The following DENND2C variants were observed in gnomAD, a reference collection of about 807,000 sequenced individuals.
The protein encoded by DENND2C is DENN domain-containing protein 2C.
A neutral mutation model predicts 112.4 loss-of-function variants in DENND2C; 72 were observed. That is an observed-to-expected ratio of 0.64 (90% CI 0.53 to 0.78). DENND2C has a LOEUF of 0.78. Ranked by LOEUF, DENND2C falls within the 30% of genes least tolerant of loss-of-function variation. The probability of loss-of-function intolerance (pLI) is 0.00; values close to 1 mark genes in which losing one functional copy is unlikely to be tolerated. For missense variants in DENND2C, 992 were observed against 1,113.8 expected (o/e 0.89, Z 1.56); for synonymous variants, 329 against 381.6 (o/e 0.86, Z 1.61).
At chr1:114,656,266 G>C (rs1330945918) in intron 1 of DENND2C, among the ~76,000 whole-genome samples, 1 of 151,928 alleles carries the variant, frequency 6.6e-6, no homozygotes, top group Non-Finnish European at 1.5e-5. Context: ...TAGAAATGGG[G>C]TCTTACTATG....
intron 12 of DENND2C, 80 bp downstream of exon 12, chr1:114,602,045 G>A (rs1363663303): frequency 7.3e-7 from 1 of 1,373,150 alleles, no homozygotes; most frequent in African/African-American, 1.4e-5. Context: ...AACTCATCTA[G>A]AGATAGTGTT....
At chr1:114,623,962 C>T (rs1011952347) in intron 4 of DENND2C, among the ~76,000 whole-genome samples, 2 of 152,186 alleles carry the variant, frequency 1.3e-5, no homozygotes, top group Non-Finnish European at 2.9e-5. Flanking sequence ...TCTTGAACTC[C>T]TGACTTCAGG....
chr1:114,586,989 C>G (rs769462220), intron 20 of DENND2C: 65 of 182,134 alleles, frequency 3.6e-4, no homozygotes, highest in Non-Finnish European at 6.0e-4. Context: ...CCTCCATATC[C>G]TGGGTTCAAG....
At chr1:114,655,569 C>A (rs1469522808) in intron 1 of DENND2C, among the ~76,000 whole-genome samples, 1 of 150,672 alleles carries the variant, frequency 6.6e-6, no homozygotes, top group Non-Finnish European at 1.5e-5. Flanking sequence ...CTGCAACTTC[C>A]ATCTCCCGGG....
At chr1:114,606,155 C>T (rs1191269796) in intron 10 of DENND2C, among the ~76,000 whole-genome samples, 4 of 152,042 alleles carry the variant, frequency 2.6e-5, no homozygotes, top group Admixed American at 6.6e-5. Context: ...TCCAGTGATC[C>T]TCGTGTCTCA....
At chr1:114,590,473 G>A (rs1358871989) in intron 18 of DENND2C, among the ~76,000 whole-genome samples, 1 of 151,978 alleles carries the variant, frequency 6.6e-6, no homozygotes, top group African/African-American at 2.4e-5. Flanking sequence ...CACATATAAT[G>A]GCACTATAAA....
intron 3 of DENND2C, among the ~76,000 whole-genome samples, chr1:114,630,936 C>T (rs75959053): frequency 0.055 from 8,297 of 152,218 alleles, 332 homozygotes; most frequent in African/African-American, 0.1. Context: ...GATTTACCAG[C>T]AGGATGAAAT....
intron 3 of DENND2C, among the ~76,000 whole-genome samples, chr1:114,636,562 G>C (rs1192439484): frequency 6.6e-6 from 1 of 152,070 alleles, no homozygotes; most frequent in Non-Finnish European, 1.5e-5. Flanking sequence ...CTACTTGGGA[G>C]ATTAAGGTGG....
At chr1:114,669,203 T>A (rs1657722901) in intron 1 of DENND2C, among the ~76,000 whole-genome samples, 1 of 152,230 alleles carries the variant, frequency 6.6e-6, no homozygotes, top group South Asian at 2.1e-4. Flanking sequence ...TCACAGAATA[T>A]ACACGCTCCA....
At chr1:114,618,584 A>AAGGT (rs1656068127) in intron 7 of DENND2C, 102 bp from the exon 8 acceptor site, 2 of 588,748 alleles carry the variant, frequency 3.4e-6, no homozygotes. Context: ...GAAAAGACCT[A>AAGGT]TTTTATAAAT....
rs140772889 is a variant in DENND2C, at chr1:114,619,393, A to G, written c.1228-911T>C. On this transcript the variant is annotated intron_variant, in intron 7 of 20. Coordinates refer to ENST00000393274, the MANE Select transcript of DENND2C (RefSeq NM_001256404.2). ...GAATTACAATTGTTAGGAACATTAT[A>G]TATGATAACAACCAATAAAGTTGCC... 3.6e-3 allele frequency among the ~76,000 whole-genome samples: 546 copies of G among 152,340 alleles called. 2 individuals are homozygous for G. Among genetic ancestry groups the G allele is most frequent in the Non-Finnish European group, 6.4e-3 (436 of 68,034 alleles).
intron 3 of DENND2C, among the ~76,000 whole-genome samples, chr1:114,638,795 A>G (rs1028317426): frequency 6.6e-6 from 1 of 151,340 alleles, no homozygotes; most frequent in African/African-American, 2.4e-5. Context: ...AAAAGAAAAA[A>G]AAAGAAAGAA....
chr1:114,659,781 TTCCCTCCC>T (rs71093604), intron 1 of DENND2C, among the ~76,000 whole-genome samples: 3 of 136,118 alleles, frequency 2.2e-5, no homozygotes, highest in African/African-American at 5.6e-5. Context: ...CCTTCCTTCC[TTCCCTCCC>T]TCCCTCCCTC....
At chr1:114,600,421 T>A (rs903552548) in intron 14 of DENND2C, 69 bp from the exon 15 acceptor site, 8 of 1,574,110 alleles carry the variant, frequency 5.1e-6, no homozygotes, top group Non-Finnish European at 6.9e-6. Flanking sequence ...ACGCTATGGA[T>A]CCTGTTATTC....
In DENND2C at chr1:114,623,616, CT is replaced by C; in HGVS notation, c.833del (p.Gln278ArgfsTer90). On this transcript the variant is annotated frameshift_variant, in exon 5 of 21. Transcript: ENST00000393274. LOFTEE classifies it high-confidence loss of function. ...KRKSFEFEDI[Q>X]HFRNRNSQTI... ...TCTGTGAGTTCCGATTTCGAAAGTGCTGAATATCCTCAAATTCAAAGGATTT... is the reference window on the plus strand; with the variant it reads ...TCTGTGAGTTCCGATTTCGAAAGTGCGAATATCCTCAAATTCAAAGGATTT... 2 of 1,601,368 alleles carry C rather than the reference CT, an allele frequency of 1.2e-6. No homozygotes were observed.
At chr1:114,638,338 A>G (rs1456008054) in intron 3 of DENND2C, among the ~76,000 whole-genome samples, 2 of 152,224 alleles carry the variant, frequency 1.3e-5, no homozygotes, top group African/African-American at 2.4e-5. Context: ...GAAGAAAAAA[A>G]TCTTCACGAC....
intron 7 of DENND2C, among the ~76,000 whole-genome samples, chr1:114,620,896 C>A (rs1235540532): frequency 6.6e-6 from 1 of 152,114 alleles, no homozygotes; most frequent in African/African-American, 2.4e-5. Context: ...ACAGATGTGA[C>A]TTTTGTTTAA....
chr1:114,608,792 T>C lies in DENND2C; in HGVS notation c.1451A>G (p.Glu484Gly). 6.2e-7 allele frequency: 1 copy of C among 1,614,198 alleles called. No individual in the cohort carries two copies. The highest frequency in any genetic ancestry group is 8.5e-7 in the Non-Finnish European group (1 of 1,180,026). Residue 484 changes from glutamate to glycine, a missense_variant, in exon 10 of 21, where the codon GAA becomes GGA. Glu to Gly is a moderately conservative substitution (Grantham distance 98). This residue lies in a region of DENND2C where 516 missense variants were observed against 623.6 expected (regional missense o/e 0.83). Coordinates refer to ENST00000393274, the MANE Select transcript of DENND2C (RefSeq NM_001256404.2). ...TTCAAACAGCTGCTGCTCCTGTAAT[T>C]CAATAAGATCCCGCTCCAAGGTCTG... is the stretch of plus-strand genomic sequence containing the variant. ...HYQTLERDLI[E>G]LQEQQLFELF...
At chr1:114,593,600 C>T (rs1374766757) in intron 18 of DENND2C, among the ~76,000 whole-genome samples, 2 of 151,970 alleles carry the variant, frequency 1.3e-5, no homozygotes, top group Admixed American at 6.6e-5. Flanking sequence ...ACCTAGGCAA[C>T]GTGGTGAGAC....
Sources: allele counts gnomAD v4.1 joint callset (sites outside exome capture counted in the v4.1 genomes callset), GRCh38; gene constraint gnomAD v4.1.1; regional missense constraint gnomAD v4.1.1; transcripts MANE v1.5; gene names NCBI Gene and HGNC (gene_info 2026-07-23, HGNC 2026-07-21).